CNOT4: variants seen among roughly 807,000 people sequenced by gnomAD.
CNOT4 encodes CCR4-NOT transcription complex subunit 4, also known as CCR4-associated factor 4.
In CNOT4, 8 loss-of-function variants were observed where a neutral mutation model predicts 73.8. The observed-to-expected ratio is 0.11, with a 90% CI of 0.06 to 0.20. The LOEUF is 0.20. Ranked by LOEUF, CNOT4 falls within the 10% of genes least tolerant of loss-of-function variation. The pLI is 1.00. For synonymous variants in CNOT4, 293 were observed against 321.1 expected (o/e 0.91, Z 0.94); for missense variants, 564 against 883.4 (o/e 0.64, Z 4.58).
intron 10 of CNOT4, among the ~76,000 whole-genome samples, chr7:135,380,730 A>G (rs1795799059): frequency 1.3e-5 from 2 of 152,242 alleles, no homozygotes; most frequent in African/African-American, 4.8e-5. Flanking sequence ...GCACATTTAC[A>G]TGGTGAGGGC....
chr7:135,415,400 C>T, intron 3 of CNOT4, 138 bp from the exon 4 acceptor site: 1 of 547,002 alleles, frequency 1.8e-6, no homozygotes, highest in Non-Finnish European at 3.2e-6. Flanking sequence ...GTCACTACCT[C>T]CTAATTGCAG....
chr7:135,401,483 G>A (rs752709614), intron 7 of CNOT4, among the ~76,000 whole-genome samples: 8 of 151,992 alleles, frequency 5.3e-5, no homozygotes, highest in Non-Finnish European at 1.0e-4. Context: ...AAACCTACAG[G>A]TTTTCTTAAA....
intron 2 of CNOT4, among the ~76,000 whole-genome samples, chr7:135,436,827 T>C (rs530414341): frequency 6.6e-6 from 1 of 152,146 alleles, no homozygotes; most frequent in Admixed American, 6.5e-5. Context: ...TATTATAAAT[T>C]CTCAGGTAAG....
At chr7:135,435,284 C>T (rs1207602543) in intron 2 of CNOT4, among the ~76,000 whole-genome samples, 1 of 152,140 alleles carries the variant, frequency 6.6e-6, no homozygotes, top group African/African-American at 2.4e-5. Flanking sequence ...ATTATTTCTT[C>T]CTATTCATTT....
chr7:135,483,033 A>T (rs1055653711), intron 1 of CNOT4, among the ~76,000 whole-genome samples: 1 of 151,126 alleles, frequency 6.6e-6, no homozygotes, highest in Non-Finnish European at 1.5e-5. Context: ...CCTGAACAAA[A>T]TATTAGCAAA....
chr7:135,420,053 C>A (rs377412473), intron 3 of CNOT4, among the ~76,000 whole-genome samples: 7 of 39,324 alleles, frequency 1.8e-4, no homozygotes, highest in African/African-American at 7.0e-4. Context: ...ACAACAAAAA[C>A]CCTCTTATAA....
chr7:135,379,863 C>T (rs976370166), intron 10 of CNOT4, among the ~76,000 whole-genome samples: 2 of 152,156 alleles, frequency 1.3e-5, no homozygotes, highest in Admixed American at 1.3e-4. Context: ...TGTTTTAGAA[C>T]ACCCCACTAA....
At chr7:135,408,243 C>T (rs867693247) in intron 7 of CNOT4, among the ~76,000 whole-genome samples, 2 of 152,170 alleles carry the variant, frequency 1.3e-5, no homozygotes, top group South Asian at 4.1e-4. Context: ...GTCAACATAA[C>T]ATACAATAGC....
At chr7:135,391,996 C>T (rs1796427334) in intron 10 of CNOT4, among the ~76,000 whole-genome samples, 1 of 152,008 alleles carries the variant, frequency 6.6e-6, no homozygotes, top group Non-Finnish European at 1.5e-5. Context: ...GAAGCACCTC[C>T]TGTTATAGGA....
At chr7:135,434,091 C>G (rs1286986828) in intron 2 of CNOT4, among the ~76,000 whole-genome samples, 1 of 152,180 alleles carries the variant, frequency 6.6e-6, no homozygotes, top group African/African-American at 2.4e-5. Context: ...CAAGTTTCTT[C>G]AGATCATCTC....
intron 10 of CNOT4, chr7:135,388,490 AT>A: frequency 2.0e-6 from 2 of 1,005,080 alleles, no homozygotes; most frequent in Non-Finnish European, 2.4e-6. Context: ...TAGAGCCAAA[AT>A]AACAACAATT....
intron 1 of CNOT4, among the ~76,000 whole-genome samples, chr7:135,495,092 A>C (rs1585732353): frequency 6.6e-6 from 1 of 152,240 alleles, no homozygotes. Context: ...AAAAATATTA[A>C]GCAAAGTTTC....
intron 2 of CNOT4, among the ~76,000 whole-genome samples, chr7:135,434,626 T>C (rs888596653): frequency 2.0e-5 from 3 of 152,186 alleles, no homozygotes; most frequent in African/African-American, 7.2e-5. Flanking sequence ...TCTTATCCAG[T>C]CTCGTGATGT....
intron 1 of CNOT4, among the ~76,000 whole-genome samples, chr7:135,496,892 G>A (rs1010571203): frequency 1.3e-5 from 2 of 151,594 alleles, no homozygotes; most frequent in African/African-American, 2.4e-5. Flanking sequence ...CTGCAGCCTC[G>A]ATCTATCAAG....
intron 2 of CNOT4, among the ~76,000 whole-genome samples, chr7:135,423,354 C>A: frequency 6.9e-6 from 1 of 145,974 alleles, no homozygotes; most frequent in African/African-American, 2.5e-5. Context: ...AGAAATAATG[C>A]CAAACCAAAA....
At chr7:135,372,554 TG>T (rs371544363) in intron 10 of CNOT4, among the ~76,000 whole-genome samples, 10,880 of 140,874 alleles carry the variant, frequency 0.077, 539 homozygotes, top group Non-Finnish European at 0.12. Context: ...TTTGCTACCA[TG>T]TTTTTTTTTT....
intron 2 of CNOT4, among the ~76,000 whole-genome samples, chr7:135,437,664 G>A (rs1171922216): frequency 1.3e-5 from 2 of 152,076 alleles, no homozygotes; most frequent in Non-Finnish European, 2.9e-5. Flanking sequence ...ATTGCTGTAA[G>A]GGCTCAAGAA....
chr7:135,389,002 C>A, intron 10 of CNOT4: 1 of 1,055,448 alleles, frequency 9.5e-7, no homozygotes, highest in Admixed American at 2.5e-5. Flanking sequence ...AAAATACATG[C>A]TTAATGTTTG....
At chr7:135,463,349 C>T (rs1800994348) in intron 1 of CNOT4, among the ~76,000 whole-genome samples, 1 of 152,064 alleles carries the variant, frequency 6.6e-6, no homozygotes, top group Admixed American at 6.6e-5. Flanking sequence ...ACCAGTCTGG[C>T]CAACATGCTG....
Sources: allele counts gnomAD v4.1 joint callset (sites outside exome capture counted in the v4.1 genomes callset), GRCh38; gene constraint gnomAD v4.1.1; transcripts MANE v1.5; gene names NCBI Gene and HGNC (gene_info 2026-07-23, HGNC 2026-07-21).